The following MEIS1 variants were observed in gnomAD, a reference collection of about 807,000 sequenced individuals.
The protein encoded by MEIS1 is Meis homeobox 1.
In MEIS1, 5 loss-of-function variants were observed where a neutral mutation model predicts 50.8. The ratio of observed to expected loss-of-function variants is 0.10; its 90% CI spans 0.05 to 0.21. The LOEUF is 0.21. Among genes scored for constraint, MEIS1 ranks in the 10% least tolerant of loss-of-function variants. MEIS1 has a pLI of 1.00. For synonymous variants in MEIS1, 176 were observed against 179.3 expected, an observed-to-expected ratio of 0.98 and a Z score of 0.15; for missense variants, 318 against 517.3, an observed-to-expected ratio of 0.61 and a Z score of 3.74.
At chr2:66,512,903 G>A (rs995250157) in intron 8 of MEIS1, among the ~76,000 whole-genome samples, 2 of 152,132 alleles carry the variant, frequency 1.3e-5, no homozygotes, top group African/African-American at 4.8e-5. Context: ...TTCAAGCAGA[G>A]TAACAGTTTA....
intron 6 of MEIS1, among the ~76,000 whole-genome samples, chr2:66,462,332 C>T (rs1039450671): frequency 9.9e-5 from 15 of 152,140 alleles, no homozygotes; most frequent in African/African-American, 3.6e-4. Context: ...ATGAGAGTGC[C>T]CAGGAGATGT....
intron 5 of MEIS1, chr2:66,442,696 C>T: frequency 2.0e-6 from 1 of 504,190 alleles, no homozygotes; most frequent in Non-Finnish European, 3.4e-6. Context: ...CATCTTGTCA[C>T]TGTCAATTTT....
intron 1 of MEIS1, chr2:66,436,806 C>T (rs1182547905): frequency 4.6e-6 from 4 of 871,904 alleles, no homozygotes; most frequent in Non-Finnish European, 5.5e-6. Context: ...CTGGAATGAA[C>T]CAATTAGAAA....
intron 8 of MEIS1, among the ~76,000 whole-genome samples, chr2:66,522,729 G>C (rs1674154765): frequency 6.6e-6 from 1 of 152,182 alleles, no homozygotes; most frequent in Admixed American, 6.5e-5. Context: ...TGCATATGTG[G>C]CGAGGGTTTG....
In MEIS1 at chr2:66,571,335, C is replaced by T. The variant is rs200212828; in HGVS notation, c.*127C>T. ...GCCAAGTTATACCCAACCCCAGATG[C>T]CCCCCCATCCTGCTCAGCTGCGTCA... On this transcript the variant is annotated 3_prime_UTR_variant, in exon 13 of 13. Transcript: ENST00000272369. The T allele has an allele frequency of 1.9e-6, 3 of 1,595,728 alleles. No homozygotes were observed. Among genetic ancestry groups the T allele is most frequent in the African/African-American group, 2.7e-5 (2 of 74,328 alleles).
At chr2:66,467,009 T>A (rs1672654544) in intron 7 of MEIS1, among the ~76,000 whole-genome samples, 1 of 152,010 alleles carries the variant, frequency 6.6e-6, no homozygotes, top group African/African-American at 2.4e-5. Context: ...TCCCCTAGGC[T>A]TTAGCCCTCT....
intron 7 of MEIS1, among the ~76,000 whole-genome samples, chr2:66,500,269 C>G (rs192896726): frequency 6.6e-6 from 1 of 152,148 alleles, no homozygotes; most frequent in African/African-American, 2.4e-5. Flanking sequence ...GTCACTAATG[C>G]TGAAATCTTA....
At chr2:66,509,894 T>A (rs921463788) in intron 7 of MEIS1, among the ~76,000 whole-genome samples, 2 of 152,218 alleles carry the variant, frequency 1.3e-5, no homozygotes, top group South Asian at 4.1e-4. Context: ...CCATAAATTA[T>A]CAATGAATTC....
intron 6 of MEIS1, among the ~76,000 whole-genome samples, chr2:66,449,967 T>G (rs1294556683): frequency 1.3e-5 from 2 of 152,210 alleles, no homozygotes; most frequent in Non-Finnish European, 2.9e-5. Flanking sequence ...ACACCTGTTG[T>G]TTATTGGTGT....
At chr2:66,481,850 CTTTTTTTTTTTT>C (rs996753363) in intron 7 of MEIS1, among the ~76,000 whole-genome samples, 3 of 90,182 alleles carry the variant, frequency 3.3e-5, no homozygotes, top group South Asian at 4.0e-4. Context: ...TCTGATATTT[CTTTTTTTTTTTT>C]TTTTTTTTTT....
At chr2:66,441,323 T>G (rs1395202114) in intron 4 of MEIS1, 91 bp from the exon 5 acceptor site, 1 of 1,057,328 alleles carries the variant, frequency 9.5e-7, no homozygotes, top group Non-Finnish European at 1.3e-6. Flanking sequence ...TATTTACTGG[T>G]GGGAGGGGGT....
At chr2:66,507,007 C>T (rs2103842463) in intron 7 of MEIS1, among the ~76,000 whole-genome samples, 1 of 152,268 alleles carries the variant, frequency 6.6e-6, no homozygotes, top group East Asian at 1.9e-4. Context: ...TGCCATTTTC[C>T]CTCATGTAGA....
chr2:66,437,825 A>C lies in MEIS1; in HGVS notation c.101A>C (p.Gln34Pro). ...GACCCGCATGCAGCCAGGTCCATGC[A>C]GCCGGTCCACCACCTGAACCACGGG... ...YGDPHAARSMQPVHHLNHGPP... is the reference protein window; with the variant it reads ...YGDPHAARSMPPVHHLNHGPP... Residue 34 changes from glutamine to proline, a missense_variant, in exon 2 of 13, where the codon CAG (glutamine) becomes CCG (proline). Gln to Pro is a moderately conservative substitution (Grantham distance 76, BLOSUM62 -1). Transcript: ENST00000272369. 1 of 1,613,994 alleles carries C rather than the reference A, an allele frequency of 6.2e-7. No individual in the cohort carries two copies. The highest frequency in any genetic ancestry group is 8.5e-7 in the Non-Finnish European group (1 of 1,179,880).
chr2:66,506,458 G>T (rs987750546), intron 7 of MEIS1, among the ~76,000 whole-genome samples: 2 of 152,166 alleles, frequency 1.3e-5, no homozygotes, highest in African/African-American at 4.8e-5. Context: ...CTCAGGACCG[G>T]AGGTGGAGCT....
At chr2:66,566,839 A>C (rs1675361698) in intron 9 of MEIS1, among the ~76,000 whole-genome samples, 1 of 151,806 alleles carries the variant, frequency 6.6e-6, no homozygotes. Flanking sequence ...AACAACAAAA[A>C]AAGCCACCCC....
intron 8 of MEIS1, among the ~76,000 whole-genome samples, chr2:66,543,532 G>A (rs1442368093): frequency 6.6e-6 from 1 of 152,096 alleles, no homozygotes; most frequent in Non-Finnish European, 1.5e-5. Flanking sequence ...TAATACACAT[G>A]TGCAGGTTTA....
chr2:66,467,195 C>T (rs1672659016), intron 7 of MEIS1, among the ~76,000 whole-genome samples: 1 of 152,120 alleles, frequency 6.6e-6, no homozygotes, highest in South Asian at 2.1e-4. Context: ...GTTAGAGCTT[C>T]AGCAATTTGG....
intron 6 of MEIS1, among the ~76,000 whole-genome samples, chr2:66,451,295 A>G (rs967152607): frequency 9.2e-5 from 14 of 152,136 alleles, no homozygotes; most frequent in Non-Finnish European, 2.1e-4. Flanking sequence ...CCAGACCTCC[A>G]TAATTTACAT....
At position 66,467,527 on chromosome 2, in the gene MEIS1, G is replaced by A. The variant is rs566362956; in HGVS notation, c.742+3307G>A. On this transcript the variant is annotated intron_variant, in intron 7 of 12. Coordinates refer to ENST00000272369, the MANE Select transcript of MEIS1 (RefSeq NM_002398.3). Reference sequence around the variant, plus strand: ...CAGGAGAATCGCTTGAACCCAGGAGGCGGAGGTTGCAGTGAGCCGAGATCA... The same window carrying A: ...CAGGAGAATCGCTTGAACCCAGGAGACGGAGGTTGCAGTGAGCCGAGATCA... Among the ~76,000 whole-genome samples the A allele has an allele frequency of 4.3e-3, 654 of 151,902 alleles. 6 individuals carry two copies. The highest frequency in any genetic ancestry group is 0.015 in the African/African-American group (626 of 41,396).
Sources: allele counts gnomAD v4.1 joint callset (sites outside exome capture counted in the v4.1 genomes callset), GRCh38; gene constraint gnomAD v4.1.1; transcripts MANE v1.5; gene names NCBI Gene and HGNC (gene_info 2026-07-23, HGNC 2026-07-21).